The following EEF2 variants were observed in gnomAD, a reference collection of about 807,000 sequenced individuals.
EEF2 encodes eukaryotic translation elongation factor 2, also known as elongation factor 2.
In EEF2, 21 loss-of-function variants were observed where a neutral mutation model predicts 85.3. That is an observed-to-expected ratio of 0.25 (90% CI 0.17 to 0.35). EEF2 has a LOEUF of 0.35. Among genes scored for constraint, EEF2 ranks in the 10% least tolerant of loss-of-function variants. The probability of loss-of-function intolerance (pLI) is 1.00; values close to 1 mark genes in which losing one functional copy is unlikely to be tolerated. For synonymous variants in EEF2, 723 were observed against 508.8 expected (o/e 1.42, Z -5.67); for missense variants, 825 against 1,225.3 (o/e 0.67, Z 4.88).
rs79506103 is a variant in EEF2, at chr19:3,978,471, T to C, written c.1714-299A>G. 2.7e-4 allele frequency among the ~76,000 whole-genome samples: 41 copies of C among 152,226 alleles called. 2 individuals are homozygous for C. The East Asian group carries it at 7.0e-3, about 26-fold the overall frequency. On this transcript the variant is annotated intron_variant, in intron 11 of 14. Transcript: ENST00000309311. ...CCTGTCCCAACCCCTCCAGAGCATT[T>C]GTGTTGTTTGTGGACAGAAGACAGC...
chr19:3,982,869 T>A lies in EEF2; in HGVS notation c.550A>T (p.Asn184Tyr). The change falls in exon 4 of 15, where the codon AAC becomes TAC. Residue 184 changes from asparagine to tyrosine, a missense_variant. Physicochemically the swap from Asn to Tyr is moderately radical, Grantham distance 143. Coordinates refer to ENST00000309311, the MANE Select transcript of EEF2 (RefSeq NM_001961.4). ...LYQTFQRIVENVNVIISTYGE... is the reference protein window; with the variant it reads ...LYQTFQRIVEYVNVIISTYGE... Reference sequence around the variant, plus strand: ...TAGGTGGAGATGATGACGTTCACGTTCTCCACGATGCGCTGGAAAGTCTGG... The same window carrying A: ...TAGGTGGAGATGATGACGTTCACGTACTCCACGATGCGCTGGAAAGTCTGG... 1 of 1,613,690 alleles carries A rather than the reference T, an allele frequency of 6.2e-7. No homozygotes were observed. The highest frequency in any genetic ancestry group is 8.5e-7 in the Non-Finnish European group (1 of 1,179,988).
rs538332394 is a variant in EEF2 at position 3,977,133 on chromosome 19, A to G, written c.2383+82T>C. ...CTGCTCCCATCAGGACGCCTCCTTT[A>G]ACACCTTGCTAAGCTTAACTGGGCT... On this transcript the variant is annotated intron_variant, in intron 14 of 14. Coordinates refer to ENST00000309311, the MANE Select transcript of EEF2 (RefSeq NM_001961.4). The surrounding 1 kb of genome is among the most constrained non-coding windows in gnomAD (Gnocchi z 5.4). 3 of 1,559,686 alleles carry G rather than the reference A, an allele frequency of 1.9e-6. No homozygotes were observed. Among genetic ancestry groups the G allele is most frequent in the Non-Finnish European group, 2.6e-6 (3 of 1,152,310 alleles).
intron 2 of EEF2, 182 bp downstream of exon 2, chr19:3,983,954 C>A: frequency 1.5e-6 from 1 of 662,976 alleles, no homozygotes; most frequent in Middle Eastern, 4.2e-4. Flanking sequence ...GCTCGCAGTA[C>A]CCCGAATCCC....
At chr19:3,983,867 A>G in intron 2 of EEF2, 1 of 513,220 alleles carries the variant, frequency 1.9e-6, no homozygotes, top group South Asian at 2.2e-5. Context: ...ACCTCTCCAG[A>G]TATTGTAGGA....
chr19:3,984,344 A>G lies in EEF2; in HGVS notation c.10T>C (p.Phe4Leu). The change falls in exon 2 of 15, where the codon TTC (phenylalanine) becomes CTC (leucine). Residue 4 changes from phenylalanine to leucine, a missense_variant. Physicochemically the swap from Phe to Leu is conservative, Grantham distance 22. Coordinates refer to ENST00000309311, the MANE Select transcript of EEF2 (RefSeq NM_001961.4). Reference sequence around the variant, plus strand: ...ATGGCGCGGATCTGGTCTACCGTGAAGTTCACCTGGGCAAGACAAGGAGGC... The same window carrying G: ...ATGGCGCGGATCTGGTCTACCGTGAGGTTCACCTGGGCAAGACAAGGAGGC... MVN[F>L]TVDQIRAIMD... 2 of 1,614,044 alleles carry G rather than the reference A, an allele frequency of 1.2e-6. No homozygotes were observed. Among genetic ancestry groups the G allele is most frequent in the Non-Finnish European group, 1.7e-6 (2 of 1,179,944 alleles).
At chr19:3,985,264 C>G in intron 1 of EEF2, 114 bp downstream of exon 1, 1 of 1,218,338 alleles carries the variant, frequency 8.2e-7, no homozygotes, top group Non-Finnish European at 1.1e-6. Context: ...TCCGGCCCCG[C>G]CGCCGCTACG....
chr19:3,980,996 C>T lies in EEF2; in HGVS notation c.1012-17G>A, dbSNP rs1276873638. On this transcript the variant is annotated splice_polypyrimidine_tract_variant and intron_variant, in intron 7 of 14. Transcript: ENST00000309311. ...CATCACAGCCTGCGGGGGCAGAGAGCGGTGCATGAGACACCTGGGGAGCCC... is the reference window on the plus strand; with the variant it reads ...CATCACAGCCTGCGGGGGCAGAGAGTGGTGCATGAGACACCTGGGGAGCCC... The T allele has an allele frequency of 1.2e-5, 19 of 1,563,034 alleles. No individual in the cohort carries two copies. Among genetic ancestry groups the T allele is most frequent in the East Asian group, 2.4e-5 (1 of 42,446 alleles).
rs115339638 is a variant in EEF2, at chr19:3,978,380, G to A, written c.1714-208C>T. On this transcript the variant is annotated intron_variant, in intron 11 of 14. Transcript: ENST00000309311. ...GAGCAGGGGCTCCACTGAGCTCTCC[G>A]GCGCAGAAACCACGGGCTTGTGGAA... Among the ~76,000 whole-genome samples, 1,147 of 152,276 alleles carry A rather than the reference G, an allele frequency of 7.5e-3. 20 individuals are homozygous for A. The highest frequency in any genetic ancestry group is 0.026 in the African/African-American group (1,089 of 41,556).
intron 2 of EEF2, among the ~76,000 whole-genome samples, chr19:3,983,596 G>A (rs984784865): frequency 6.6e-6 from 1 of 152,064 alleles, no homozygotes; most frequent in Non-Finnish European, 1.5e-5. Context: ...GACCCAGCAG[G>A]ACGGCAAAAG....
intron 1 of EEF2, chr19:3,985,158 T>G: frequency 2.3e-6 from 1 of 443,470 alleles, no homozygotes; most frequent in Non-Finnish European, 3.9e-6. Context: ...CAACCAGGTC[T>G]GGGCAAGGTT....
chr19:3,976,819 G>A, intron 14 of EEF2, 72 bp from the exon 15 acceptor site: 2 of 1,427,366 alleles, frequency 1.4e-6, no homozygotes, highest in South Asian at 1.4e-5. Flanking sequence ...CCTGTCAGGA[G>A]CTCAGGCTAG....
chr19:3,981,534 C>T, intron 6 of EEF2, 82 bp from the exon 7 acceptor site: 1 of 1,275,322 alleles, frequency 7.8e-7, no homozygotes, highest in Non-Finnish European at 1.1e-6. Context: ...TTGGAAGACT[C>T]AGGTCAGCGC....
chr19:3,978,293 A>T, intron 11 of EEF2, 121 bp from the exon 12 acceptor site: 1 of 807,950 alleles, frequency 1.2e-6, no homozygotes, highest in Non-Finnish European at 1.8e-6. Context: ...AGCCACGTCA[A>T]TCAGAACGAA....
rs757356247 is a variant in EEF2 at position 3,978,016 on chromosome 19, C to T, written c.1870G>A (p.Ala624Thr). The T allele has an allele frequency of 1.1e-5, 17 of 1,610,104 alleles. No homozygotes were observed. The highest frequency in any genetic ancestry group is 1.7e-5 in the Admixed American group (1 of 59,770). ...GCCCGCTGCTTGAGCTCCTGACGGG[C>T]GGACACCTCGCCTTTATCGATGTCC... ...AEDIDKGEVS[A>T]RQELKQRARY... is the part of the protein sequence containing the mutation. The change falls in exon 12 of 15, where the codon GCC becomes ACC. Residue 624 changes from alanine (A) to threonine (T), a missense_variant. Coordinates refer to ENST00000309311, the MANE Select transcript of EEF2 (RefSeq NM_001961.4).
At chr19:3,982,481 T>G in intron 4 of EEF2, 57 bp from the exon 5 acceptor site, 4 of 1,609,778 alleles carry the variant, frequency 2.5e-6, no homozygotes, top group Non-Finnish European at 3.4e-6. Context: ...AGCCTGAAGC[T>G]ACGGGCTGGG....
Position 3,979,669 on chromosome 19 carries a change from A to G in EEF2, c.1605+139T>C, listed in dbSNP as rs1295277414. On this transcript the variant is annotated intron_variant, in intron 10 of 14. Transcript: ENST00000309311. Reference sequence around the variant, plus strand: ...GCTGCCTGGGCAGGAGTCTCCATTTACAGCCACAGCCAAGAACCCCTCCTT... The same window carrying G: ...GCTGCCTGGGCAGGAGTCTCCATTTGCAGCCACAGCCAAGAACCCCTCCTT... 1.2e-5 allele frequency: 16 copies of G among 1,346,116 alleles called. No homozygotes were observed. The East Asian group carries it at 3.7e-4, about 31-fold the overall frequency. The allele number at this position is 1,346,116 out of a possible 1,614,324, so 83.4% of individuals were successfully genotyped here. A position where few individuals can be genotyped will look rare whatever the true frequency, so the allele number is the denominator to read the frequency against.
At position 3,985,424 on chromosome 19, in the gene EEF2, GCGAGTCGCGC is replaced by G. The variant is rs1429671460; in HGVS notation, c.-54_-45del. On this transcript the variant is annotated 5_prime_UTR_variant, in exon 1 of 15. Coordinates refer to ENST00000309311, the MANE Select transcript of EEF2 (RefSeq NM_001961.4). ...ATTCTCCCAGGTAGAACCGAAAGAA[GCGAGTCGCGC>G]CGAGGATGGCGGCGACGACGGCGGA... 6.8e-7 allele frequency: 1 copy of G among 1,473,758 alleles called. No homozygotes were observed. Among genetic ancestry groups the G allele is most frequent in the Non-Finnish European group, 9.0e-7 (1 of 1,105,368 alleles). The allele number at this position is 1,473,758 out of a possible 1,614,324, so 91.3% of individuals were successfully genotyped here. A position where few individuals can be genotyped will look rare whatever the true frequency, so the allele number is the denominator to read the frequency against.
At chr19:3,984,456 T>A (rs1456755022) in intron 1 of EEF2, 106 bp from the exon 2 acceptor site, 1 of 1,291,304 alleles carries the variant, frequency 7.7e-7, no homozygotes, top group Non-Finnish European at 1.1e-6. Context: ...CAGGAGGGGG[T>A]TGGTGCTGGG....
chr19:3,980,654 C>T lies in EEF2; in HGVS notation c.1206G>A (p.Val402=), dbSNP rs780404925. The T allele has an allele frequency of 1.2e-6, 2 of 1,614,176 alleles. No individual in the cohort carries two copies. Among genetic ancestry groups the T allele is most frequent in the Non-Finnish European group, 1.7e-6 (2 of 1,180,020 alleles). The change falls in exon 9 of 15, where the codon GTG becomes GTA. Residue 402 remains valine, a synonymous_variant. Transcript: ENST00000309311. ...AGAACCGACCTTTGTCGGAGGTTGG[C>T]ACCATTTTGGAAATATACATCATAA... ...GPLMMYISKM[V]PTSDKGRFYA...
Sources: allele counts gnomAD v4.1 joint callset (sites outside exome capture counted in the v4.1 genomes callset), GRCh38; gene constraint gnomAD v4.1.1; non-coding constraint Gnocchi (gnomAD v3.1); transcripts MANE v1.5; gene names NCBI Gene and HGNC (gene_info 2026-07-23, HGNC 2026-07-21).